PCDHGB4: variants seen among roughly 807,000 people sequenced by gnomAD.
PCDHGB4 encodes the protein protocadherin gamma subfamily B, 4.
Under a neutral mutation model 60.5 loss-of-function variants are expected in PCDHGB4, and 38 were observed. That is an observed-to-expected ratio of 0.63 (90% CI 0.48 to 0.82). The LOEUF (loss-of-function observed/expected upper bound fraction) is 0.82. Ranked by LOEUF, PCDHGB4 falls within the 40% of genes least tolerant of loss-of-function variation. PCDHGB4 has a pLI of 0.00. For missense variants in PCDHGB4, 1,109 were observed against 1,209.6 expected (o/e 0.92, Z 1.23); for synonymous variants, 456 against 509.7 (o/e 0.89, Z 1.42).
intron 1 of PCDHGB4, chr5:141,423,010 G>C: frequency 6.2e-7 from 1 of 1,614,226 alleles, no homozygotes; most frequent in South Asian, 1.1e-5. Context: ...GGTGGTTGCG[G>C]TGGACAAAGA....
intron 1 of PCDHGB4, chr5:141,409,838 G>T: frequency 6.2e-7 from 1 of 1,611,532 alleles, no homozygotes; most frequent in Non-Finnish European, 8.5e-7. Context: ...CAGCGCCAAC[G>T]TGAGCCTGCG....
chr5:141,467,055 CTTTT>C (rs1193465269), intron 1 of PCDHGB4, among the ~76,000 whole-genome samples: 5 of 134,484 alleles, frequency 3.7e-5, no homozygotes, highest in Non-Finnish European at 4.9e-5. Context: ...TCAATGTTTT[CTTTT>C]TTTTTTTTTT....
Position 141,490,330 on chromosome 5 carries a change from C to G in PCDHGB4, c.2398-4477C>G. 4 of 1,614,198 alleles carry G rather than the reference C, an allele frequency of 2.5e-6. No homozygotes were observed. Among genetic ancestry groups the G allele is most frequent in the South Asian group, 1.1e-5 (1 of 91,082 alleles). On this transcript the variant is annotated intron_variant, in intron 1 of 3. Coordinates refer to ENST00000519479, the MANE Select transcript of PCDHGB4 (RefSeq NM_003736.4). This position sits in a 1 kb window ranked among gnomAD's most constrained non-coding sequence, Gnocchi z 5.4. ...GGCCAACCCTGTCCTAGAGAGCACACCAGTGGGCACAGTAGTGGGGTTGTT... is the reference window on the plus strand; with the variant it reads ...GGCCAACCCTGTCCTAGAGAGCACAGCAGTGGGCACAGTAGTGGGGTTGTT...
chr5:141,495,873 C>G (rs2099764359), intron 2 of PCDHGB4, among the ~76,000 whole-genome samples: 1 of 152,146 alleles, frequency 6.6e-6, no homozygotes, highest in Admixed American at 6.6e-5. Flanking sequence ...CTGCTTTCCT[C>G]TCTGTTCTTT....
At chr5:141,470,059 G>A (rs1206799372) in intron 1 of PCDHGB4, among the ~76,000 whole-genome samples, 6 of 152,186 alleles carry the variant, frequency 3.9e-5, no homozygotes, top group African/African-American at 1.4e-4. Context: ...AACCCCGGAG[G>A]CAGAGACTGT....
chr5:141,502,468 C>A (rs1007796183), intron 2 of PCDHGB4, among the ~76,000 whole-genome samples: 6 of 151,190 alleles, frequency 4.0e-5, no homozygotes, highest in Non-Finnish European at 8.8e-5. Flanking sequence ...GGAATACTTC[C>A]CGCAGCATCA....
intron 1 of PCDHGB4, chr5:141,410,775 T>A: frequency 1.0e-6 from 1 of 998,978 alleles, no homozygotes. Flanking sequence ...TAGTTTTCAC[T>A]ATGTATTTGG....
chr5:141,505,558 C>A (rs945428797), intron 3 of PCDHGB4, 77 bp downstream of exon 3: 1 of 1,605,016 alleles, frequency 6.2e-7, no homozygotes, highest in African/African-American at 1.3e-5. Context: ...ACCATGCCCA[C>A]GGACTGGATG....
chr5:141,432,600 C>T lies in PCDHGB4; in HGVS notation c.2397+42319C>T, dbSNP rs901310090. The T allele has an allele frequency of 1.9e-6, 3 of 1,613,832 alleles. No individual in the cohort carries two copies. The East Asian group carries it at 6.7e-5, about 36-fold the overall frequency. ...TACCGTCTGCTCAAGGCCAGCGAGCCGGGACTCTTCTCGGTGGGTCTGCAC... is the reference window on the plus strand; with the variant it reads ...TACCGTCTGCTCAAGGCCAGCGAGCTGGGACTCTTCTCGGTGGGTCTGCAC... On this transcript the variant is annotated intron_variant, in intron 1 of 3. Transcript: ENST00000519479. The surrounding 1 kb of genome is among the most constrained non-coding windows in gnomAD (Gnocchi z 6.0).
At chr5:141,414,134 A>T in intron 1 of PCDHGB4, 1 of 1,595,028 alleles carries the variant, frequency 6.3e-7, no homozygotes, top group South Asian at 1.1e-5. Flanking sequence ...GGTTTCTATG[A>T]AATAGAAATA....
At chr5:141,458,080 C>T (rs62379190) in intron 1 of PCDHGB4, among the ~76,000 whole-genome samples, 5,138 of 152,230 alleles carry the variant, frequency 0.034, 100 homozygotes, top group Middle Eastern at 0.088. Flanking sequence ...ACTATATTGC[C>T]GTAAGTTAAG....
intron 1 of PCDHGB4, chr5:141,393,825 G>C: frequency 6.2e-7 from 1 of 1,613,964 alleles, no homozygotes; most frequent in Non-Finnish European, 8.5e-7. Flanking sequence ...CATTTCGGTG[G>C]AAGATGTAAA....
At chr5:141,393,914 C>T (rs765664879) in intron 1 of PCDHGB4, 2 of 1,613,932 alleles carry the variant, frequency 1.2e-6, no homozygotes, top group South Asian at 2.2e-5. Flanking sequence ...CAGTAATTGC[C>T]TTCTTGAGTG....
chr5:141,484,962 G>A (rs2099604361), intron 1 of PCDHGB4: 1 of 577,858 alleles, frequency 1.7e-6, no homozygotes, highest in Non-Finnish European at 3.1e-6. Flanking sequence ...GGCTGAGCCC[G>A]GGAGCCGCTG....
At chr5:141,420,327 A>G in intron 1 of PCDHGB4, 1 of 1,425,478 alleles carries the variant, frequency 7.0e-7, no homozygotes, top group South Asian at 1.5e-5. Context: ...ATGCCAATAT[A>G]TTCCAATATA....
chr5:141,404,147 G>A lies in PCDHGB4; in HGVS notation c.2397+13866G>A, dbSNP rs750117507. 2 of 1,612,990 alleles carry A rather than the reference G, an allele frequency of 1.2e-6. No homozygotes were observed. The highest frequency in any genetic ancestry group is 1.7e-6 in the Non-Finnish European group (2 of 1,179,340). ...ATCTTTTACATTAGAAAATTCAGAA[G>A]AAGATTATTACAGATTGTTGACGGC... On this transcript the variant is annotated intron_variant, in intron 1 of 3. Coordinates refer to ENST00000519479, the MANE Select transcript of PCDHGB4 (RefSeq NM_003736.4).
At chr5:141,450,829 ATT>A (rs373424450) in intron 1 of PCDHGB4, among the ~76,000 whole-genome samples, 3 of 135,116 alleles carry the variant, frequency 2.2e-5, no homozygotes, top group African/African-American at 2.7e-5. Flanking sequence ...TATTATTATT[ATT>A]TTTTTTTTTT....
chr5:141,409,848 G>C (rs149920059), intron 1 of PCDHGB4: 7 of 1,611,904 alleles, frequency 4.3e-6, no homozygotes, highest in Non-Finnish European at 5.9e-6. Context: ...GTGAGCCTGC[G>C]CGTGTTGGTG....
chr5:141,489,944 T>C lies in PCDHGB4; in HGVS notation c.2398-4863T>C. On this transcript the variant is annotated intron_variant, in intron 1 of 3. Coordinates refer to ENST00000519479, the MANE Select transcript of PCDHGB4 (RefSeq NM_003736.4). The surrounding 1 kb of genome is among the most constrained non-coding windows in gnomAD (Gnocchi z 4.5). Reference sequence around the variant, plus strand: ...CTTATCTCTGTCATCGTGCTGGACATCAATGATAATGCTCCAACCTTCCAA... The same window carrying C: ...CTTATCTCTGTCATCGTGCTGGACACCAATGATAATGCTCCAACCTTCCAA... 6.2e-7 allele frequency: 1 copy of C among 1,614,172 alleles called. No homozygotes were observed. Among genetic ancestry groups the C allele is most frequent in the Non-Finnish European group, 8.5e-7 (1 of 1,180,010 alleles).
Sources: allele counts gnomAD v4.1 joint callset (sites outside exome capture counted in the v4.1 genomes callset), GRCh38; gene constraint gnomAD v4.1.1; non-coding constraint Gnocchi (gnomAD v3.1); transcripts MANE v1.5; gene names NCBI Gene and HGNC (gene_info 2026-07-23, HGNC 2026-07-21).